Variants in NT5C2 observed in about 807,000 individuals in gnomAD.
NT5C2 encodes 5'-nucleotidase, cytosolic II.
Under a neutral mutation model 76.1 loss-of-function variants are expected in NT5C2, and 58 were observed. That is an observed-to-expected ratio of 0.76 (90% CI 0.62 to 0.95). NT5C2 has a LOEUF of 0.95. NT5C2 is among the 40% of genes least tolerant of loss of function. The pLI, the probability that NT5C2 is intolerant of heterozygous loss-of-function variation, is 0.00. For missense variants in NT5C2, 478 were observed against 690.3 expected (o/e 0.69, Z 3.45); for synonymous variants, 229 against 237.4 (o/e 0.96, Z 0.32).
At chr10:103,150,017 A>T (rs1164425865) in intron 3 of NT5C2, among the ~76,000 whole-genome samples, 1 of 152,176 alleles carries the variant, frequency 6.6e-6, no homozygotes, top group Non-Finnish European at 1.5e-5. Context: ...CAAAATTTTA[A>T]ATCAGCAGGA....
chr10:103,090,617 A>G lies in NT5C2; in HGVS notation c.1443T>C (p.His481=). The change falls in exon 18 of 19, where the codon CAT becomes CAC. Residue 481 remains histidine (H), a synonymous_variant. Coordinates refer to ENST00000404739, the MANE Select transcript of NT5C2 (RefSeq NM_001351169.2). ...CATTACAGCTTTAACTCACCAAGAC[A>G]TGGGCAGCCCTGAAGAGGTAGCTGA... ...YPFSYLFRAA[H]VLMPHESTVE... The G allele has an allele frequency of 6.2e-7, 1 of 1,613,134 alleles. No individual in the cohort carries two copies.
intron 8 of NT5C2, chr10:103,100,632 C>A (rs1039929715): frequency 4.5e-5 from 21 of 463,290 alleles, no homozygotes; most frequent in Middle Eastern, 4.3e-4. Flanking sequence ...TTAATCAAAT[C>A]TTGCCTGGCC....
Position 103,106,645 on chromosome 10 carries a change from A to G in NT5C2, c.237T>C (p.Ser79=), listed in dbSNP as rs1218796286. The part of the protein sequence containing the change: ...GFELTVERLV[S]IGYPQELLSF... The stretch of plus-strand genomic sequence containing the variant: ...TGAGCAACTCCTGGGGATAGCCAAT[A>G]GAAACTAATCTCTCCACAGTAAGCT... Residue 79 remains serine (S), a synonymous_variant, in exon 5 of 19, where the codon TCT becomes TCC. Transcript: ENST00000404739. The G allele has an allele frequency of 6.2e-7, 1 of 1,613,944 alleles. No homozygotes were observed. Among genetic ancestry groups the G allele is most frequent in the Non-Finnish European group, 8.5e-7 (1 of 1,179,822 alleles).
intron 3 of NT5C2, among the ~76,000 whole-genome samples, chr10:103,143,766 G>A (rs752103744): frequency 2.6e-5 from 4 of 151,754 alleles, no homozygotes; most frequent in Non-Finnish European, 5.9e-5. Flanking sequence ...GACCAGCCTG[G>A]GCAATATAGT....
At chr10:103,093,656 C>T (rs2067451109) in intron 14 of NT5C2, 1 of 391,782 alleles carries the variant, frequency 2.6e-6, no homozygotes, top group Admixed American at 4.0e-5. Flanking sequence ...GTACCTATAC[C>T]CATGGAACTC....
intron 3 of NT5C2, among the ~76,000 whole-genome samples, chr10:103,163,939 C>T (rs1029086752): frequency 2.0e-5 from 3 of 149,890 alleles, no homozygotes; most frequent in Non-Finnish European, 4.4e-5. Context: ...GCACAAGAAT[C>T]GCTTGAACCT....
At position 103,183,280 on chromosome 10, in the gene NT5C2, TATATATATATA is replaced by T. The variant is rs1384752501; in HGVS notation, c.-168-1963_-168-1953del. On this transcript the variant is annotated intron_variant, in intron 1 of 18. Coordinates refer to ENST00000404739, the MANE Select transcript of NT5C2 (RefSeq NM_001351169.2). ...TGTGTGTGATATATATATATATATA[TATATATATATA>T]TATCACACACTCCTTCCCTCCCCTC... 1.4e-4 allele frequency among the ~76,000 whole-genome samples: 19 copies of T among 134,960 alleles called. 1 individual carries two copies. The highest frequency in any genetic ancestry group is 2.3e-4 in the Non-Finnish European group (15 of 64,038). 88.5% of individuals were successfully genotyped at this position (134,960 alleles called of 152,430 possible). A position where few individuals can be genotyped will look rare whatever the true frequency, so the allele number is the denominator to read the frequency against.
chr10:103,154,619 T>C (rs183351723), intron 3 of NT5C2, among the ~76,000 whole-genome samples: 1 of 152,302 alleles, frequency 6.6e-6, no homozygotes, highest in Non-Finnish European at 1.5e-5. Flanking sequence ...AAAGGGAAGA[T>C]AACATCTGGT....
chr10:103,182,009 CAAAAAA>C (rs372557039), intron 1 of NT5C2, among the ~76,000 whole-genome samples: 1 of 124,844 alleles, frequency 8.0e-6, no homozygotes, highest in African/African-American at 3.1e-5. Flanking sequence ...GACTCTATCT[CAAAAAA>C]AAAAAAAAGA....
At chr10:103,155,720 G>C (rs558958775) in intron 3 of NT5C2, among the ~76,000 whole-genome samples, 3 of 152,274 alleles carry the variant, frequency 2.0e-5, no homozygotes, top group African/African-American at 7.2e-5. Flanking sequence ...ACAGTTGACA[G>C]AACACAGAAT....
chr10:103,092,887 A>G (rs2067269250), intron 15 of NT5C2, among the ~76,000 whole-genome samples: 1 of 143,126 alleles, frequency 7.0e-6, no homozygotes, highest in Non-Finnish European at 1.6e-5. Flanking sequence ...ACACAACTCA[A>G]GACGCCAACA....
Position 103,089,687 on chromosome 10 carries a change from CTCCTCCTCTTCA to C in NT5C2, c.1659_1670del (p.Asp553_Glu556del). On this transcript the variant is annotated inframe_deletion, in exon 19 of 19. Coordinates refer to ENST00000404739, the MANE Select transcript of NT5C2 (RefSeq NM_001351169.2). ...GTTTTCCTCCTTATTCTTCCTCCTC[CTCCTCCTCTTCA>C]TCATCATCTTCGTCATGGCAGTGTG... 6.2e-7 allele frequency: 1 copy of C among 1,606,668 alleles called. No homozygotes were observed. Among genetic ancestry groups the C allele is most frequent in the Non-Finnish European group, 8.5e-7 (1 of 1,176,346 alleles).
chr10:103,102,725 T>C (rs747747428), intron 6 of NT5C2, among the ~76,000 whole-genome samples: 9 of 151,832 alleles, frequency 5.9e-5, no homozygotes, highest in Non-Finnish European at 7.4e-5. Flanking sequence ...TGAGAGGTGG[T>C]TGGTACGATG....
At chr10:103,165,423 G>A (rs1017108539) in intron 3 of NT5C2, among the ~76,000 whole-genome samples, 2 of 151,880 alleles carry the variant, frequency 1.3e-5, no homozygotes, top group African/African-American at 2.4e-5. Context: ...AACCCAGGAG[G>A]CAGAGGTTGC....
chr10:103,178,490 G>A (rs745461345), intron 2 of NT5C2, among the ~76,000 whole-genome samples: 10 of 152,018 alleles, frequency 6.6e-5, no homozygotes, highest in Middle Eastern at 3.4e-3. Context: ...GCAGTGAGGC[G>A]GAGGTTGAAG....
At chr10:103,094,649 C>G in intron 12 of NT5C2, 194 bp from the exon 13 acceptor site, 1 of 500,240 alleles carries the variant, frequency 2.0e-6, no homozygotes, top group Non-Finnish European at 3.6e-6. Flanking sequence ...TTTGGGAGGC[C>G]GAGGCGGGCA....
intron 3 of NT5C2, among the ~76,000 whole-genome samples, chr10:103,164,423 A>G (rs1256173953): frequency 6.6e-6 from 1 of 152,060 alleles, no homozygotes; most frequent in East Asian, 1.9e-4. Flanking sequence ...ACGCCCAGCT[A>G]ATTTTTGTAT....
intron 3 of NT5C2, among the ~76,000 whole-genome samples, chr10:103,151,442 C>T (rs1191047289): frequency 6.9e-6 from 1 of 145,286 alleles, no homozygotes; most frequent in Admixed American, 6.9e-5. Flanking sequence ...CCAGCCTGGG[C>T]AACAAGAGTG....
chr10:103,089,579 T>TCCCC lies in NT5C2; in HGVS notation c.*89_*92dup. 1 of 1,432,684 alleles carries TCCCC rather than the reference T, an allele frequency of 7.0e-7. No homozygotes were observed. Among genetic ancestry groups the TCCCC allele is most frequent in the Non-Finnish European group, 9.2e-7 (1 of 1,091,258 alleles). 88.7% of individuals were successfully genotyped at this position (1,432,684 alleles called of 1,614,324 possible). The stretch of plus-strand genomic sequence containing the variant: ...CGTACCTTTCATGGAGCCCCCTCCC[T>TCCCC]CCCCCGAGTAGAACCCTAACAGGGA... On this transcript the variant is annotated 3_prime_UTR_variant, in exon 19 of 19. Coordinates refer to ENST00000404739, the MANE Select transcript of NT5C2 (RefSeq NM_001351169.2).
Sources: allele counts gnomAD v4.1 joint callset (sites outside exome capture counted in the v4.1 genomes callset), GRCh38; gene constraint gnomAD v4.1.1; transcripts MANE v1.5; gene names NCBI Gene and HGNC (gene_info 2026-07-23, HGNC 2026-07-21).